MPPED2: variants seen among roughly 807,000 people sequenced by gnomAD.
MPPED2 encodes the protein metallophosphoesterase MPPED2.
A neutral mutation model predicts 33.0 loss-of-function variants in MPPED2; 5 were observed. The observed-to-expected ratio is 0.15, with a 90% CI of 0.08 to 0.32. The LOEUF is 0.32. Ranked by LOEUF, MPPED2 falls within the 10% of genes least tolerant of loss-of-function variation. The probability of loss-of-function intolerance (pLI) is 1.00; values close to 1 mark genes in which losing one functional copy is unlikely to be tolerated. For synonymous variants in MPPED2, 136 were observed against 141.9 expected (o/e 0.96, Z 0.29); for missense variants, 275 against 372.1 (o/e 0.74, Z 2.15).
intron 4 of MPPED2, among the ~76,000 whole-genome samples, chr11:30,494,737 CAAAAAAAA>C (rs767500886): frequency 2.1e-5 from 1 of 47,624 alleles, no homozygotes; most frequent in Non-Finnish European, 3.9e-5. Flanking sequence ...TACTCCACCT[CAAAAAAAA>C]AAAAAAAAAA....
At chr11:30,575,163 A>AT (rs968596947) in intron 2 of MPPED2, among the ~76,000 whole-genome samples, 8 of 150,504 alleles carry the variant, frequency 5.3e-5, no homozygotes, top group Non-Finnish European at 1.0e-4. Flanking sequence ...AAAGCTACAG[A>AT]TTTTTTTTTT....
At chr11:30,580,160 A>C (rs753990426) in intron 2 of MPPED2, 86 bp downstream of exon 2, 35 of 1,361,928 alleles carry the variant, frequency 2.6e-5, no homozygotes, top group Non-Finnish European at 3.3e-5. Flanking sequence ...TAGTCTCCCT[A>C]GCAGAAGTTA....
In MPPED2 at chr11:30,423,010, G is replaced by A. The variant is rs533456491; in HGVS notation, c.537-5377C>T. 3.7e-3 allele frequency among the ~76,000 whole-genome samples: 570 copies of A among 152,306 alleles called. 1 individual carries two copies. Among genetic ancestry groups the A allele is most frequent in the Non-Finnish European group, 7.0e-3 (475 of 68,030 alleles). The stretch of plus-strand genomic sequence containing the variant: ...GGGGCTAAGGGAGTTAACATAGGCA[G>A]AACTTACTCCAAACAATGTCAATAC... On this transcript the variant is annotated intron_variant, in intron 4 of 6. Transcript: ENST00000358117.
In MPPED2 at chr11:30,511,054, C is replaced by T. The variant is rs185163601; in HGVS notation, c.311-15533G>A. On this transcript the variant is annotated intron_variant, in intron 3 of 6. Coordinates refer to ENST00000358117, the MANE Select transcript of MPPED2 (RefSeq NM_001584.3). ...GTTTTGGCTCATTTCAAGGGTCTTGCAAAGTCAGGTCTCAACCTAATTTTC... is the reference window on the plus strand; with the variant it reads ...GTTTTGGCTCATTTCAAGGGTCTTGTAAAGTCAGGTCTCAACCTAATTTTC... Among the ~76,000 whole-genome samples the T allele has an allele frequency of 1.6e-3, 243 of 152,310 alleles. 1 individual carries two copies. The highest frequency in any genetic ancestry group is 5.4e-3 in the Admixed American group (82 of 15,294).
At chr11:30,406,228 A>G (rs1456484880), downstream of MPPED2, among the ~76,000 whole-genome samples, 1 of 152,178 alleles carries the variant, frequency 6.6e-6, no homozygotes, top group Non-Finnish European at 1.5e-5. Flanking sequence ...CTCTTCACAG[A>G]TTGGCAGCTG....
intron 4 of MPPED2, among the ~76,000 whole-genome samples, chr11:30,472,748 G>A (rs1025066403): frequency 8.5e-5 from 13 of 152,150 alleles, no homozygotes; most frequent in African/African-American, 3.1e-4. Flanking sequence ...GTGGTTACTC[G>A]GGGCTGGGTA....
exon 7 of MPPED2, chr11:30,386,100 G>A (rs1276957221): frequency 1.3e-5 from 2 of 152,224 alleles, no homozygotes; most frequent in Non-Finnish European, 2.9e-5. Flanking sequence ...AATTAAAAGG[G>A]AAGCAGAGCA....
chr11:30,479,925 G>A (rs2134114042), intron 4 of MPPED2, among the ~76,000 whole-genome samples: 1 of 152,210 alleles, frequency 6.6e-6, no homozygotes, highest in South Asian at 2.1e-4. Flanking sequence ...GGCCTCTTTG[G>A]GGGAAGGTAA....
intron 6 of MPPED2, among the ~76,000 whole-genome samples, chr11:30,391,408 A>G (rs1458625565): frequency 6.6e-6 from 1 of 152,124 alleles, no homozygotes; most frequent in Non-Finnish European, 1.5e-5. Flanking sequence ...ACCTAACGTT[A>G]TCAGTTGGTG....
intron 3 of MPPED2, among the ~76,000 whole-genome samples, chr11:30,497,446 G>C (rs72889006): frequency 6.6e-6 from 1 of 152,080 alleles, no homozygotes; most frequent in African/African-American, 2.4e-5. Context: ...GTCTTCCAAG[G>C]CCGGTCCTTA....
chr11:30,412,145 T>C (rs1455047524), intron 6 of MPPED2, among the ~76,000 whole-genome samples: 1 of 151,490 alleles, frequency 6.6e-6, no homozygotes, highest in African/African-American at 2.4e-5. Context: ...GTGGCTTTAA[T>C]ACTAAGTTCC....
At chr11:30,555,213 A>G (rs1236464647) in intron 2 of MPPED2, among the ~76,000 whole-genome samples, 1 of 152,136 alleles carries the variant, frequency 6.6e-6, no homozygotes, top group Non-Finnish European at 1.5e-5. Flanking sequence ...CAGGCACCCC[A>G]AACACCACCT....
At chr11:30,406,062 T>C (rs1947984908), downstream of MPPED2, among the ~76,000 whole-genome samples, 1 of 151,982 alleles carries the variant, frequency 6.6e-6, no homozygotes, top group Non-Finnish European at 1.5e-5. Flanking sequence ...GTAGAAAAGG[T>C]AGAAACTGAG....
chr11:30,401,807 C>T (rs186662476), intron 6 of MPPED2, among the ~76,000 whole-genome samples: 21 of 151,800 alleles, frequency 1.4e-4, no homozygotes, highest in Admixed American at 1.4e-3. Flanking sequence ...GCCTCAGCCT[C>T]CTGAGTAGCT....
chr11:30,392,777 G>T (rs1947796514), intron 6 of MPPED2, among the ~76,000 whole-genome samples: 1 of 152,194 alleles, frequency 6.6e-6, no homozygotes, highest in East Asian at 1.9e-4. Flanking sequence ...CTTAAGGTTT[G>T]CTCACCTCCA....
chr11:30,574,044 C>G (rs1956817260), intron 2 of MPPED2, among the ~76,000 whole-genome samples: 1 of 151,844 alleles, frequency 6.6e-6, no homozygotes, highest in African/African-American at 2.4e-5. Context: ...CTGTTTCTTA[C>G]TTTATTGTTG....
At chr11:30,459,647 C>G (rs989346027) in intron 4 of MPPED2, among the ~76,000 whole-genome samples, 2 of 152,174 alleles carry the variant, frequency 1.3e-5, no homozygotes, top group Admixed American at 6.5e-5. Context: ...GAAGCTCTCT[C>G]TCTCTGGTAT....
intron 2 of MPPED2, among the ~76,000 whole-genome samples, chr11:30,558,776 C>T (rs1956105678): frequency 6.9e-6 from 1 of 145,304 alleles, no homozygotes; most frequent in Non-Finnish European, 1.5e-5. Flanking sequence ...TTCTTTCTTT[C>T]TTTTTTTTTT....
At chr11:30,535,282 TC>T (rs141388880) in intron 3 of MPPED2, among the ~76,000 whole-genome samples, 3,564 of 152,278 alleles carry the variant, frequency 0.023, 71 homozygotes, top group Admixed American at 0.053. Context: ...ACTATATAAT[TC>T]TTTCGTCTTT....
Sources: gnomAD v4.1 joint callset for allele counts (sites outside exome capture counted in the v4.1 genomes callset) on GRCh38, gnomAD v4.1.1 for gene constraint, MANE v1.5 for transcripts, NCBI Gene and HGNC (gene_info 2026-07-23, HGNC 2026-07-21) for gene names.